SLCO1B1: variants seen among roughly 807,000 people sequenced by gnomAD.
SLCO1B1 encodes OATP-2.
A neutral mutation model predicts 70.1 loss-of-function variants in SLCO1B1; 81 were observed. The ratio of observed to expected loss-of-function variants is 1.16; its 90% CI spans 0.97 to 1.39. The LOEUF (loss-of-function observed/expected upper bound fraction) is 1.39. SLCO1B1 is among the 40% of genes most tolerant of loss of function. SLCO1B1 has a pLI of 0.00. For synonymous variants in SLCO1B1, 283 were observed against 271.5 expected (o/e 1.04, Z -0.42); for missense variants, 895 against 799.6 (o/e 1.12, Z -1.44).
chr12:21,204,306 A>G (rs750112944), intron 10 of SLCO1B1, among the ~76,000 whole-genome samples: 37 of 151,916 alleles, frequency 2.4e-4, no homozygotes, highest in Non-Finnish European at 3.7e-4. Context: ...GTATAGTGAT[A>G]TTTTCTAATG....
chr12:21,167,663 G>A (rs1940702954), intron 2 of SLCO1B1, among the ~76,000 whole-genome samples: 1 of 151,998 alleles, frequency 6.6e-6, no homozygotes, highest in African/African-American at 2.4e-5. Context: ...CACTCACATT[G>A]ATGAACAACA....
intron 1 of SLCO1B1, among the ~76,000 whole-genome samples, chr12:21,136,473 A>G (rs1940223082): frequency 6.6e-6 from 1 of 152,116 alleles, no homozygotes; most frequent in Admixed American, 6.5e-5. Flanking sequence ...TACACCAATC[A>G]GACGTAGATT....
chr12:21,202,470 C>CT, intron 9 of SLCO1B1, 21 bp from the exon 10 acceptor site: 3 of 1,520,358 alleles, frequency 2.0e-6, no homozygotes, highest in Admixed American at 1.8e-5. Flanking sequence ...ATGATTACAA[C>CT]TTTTTTTCTT....
intron 11 of SLCO1B1, among the ~76,000 whole-genome samples, chr12:21,210,727 T>G (rs958478574): frequency 5.4e-5 from 8 of 148,312 alleles, no homozygotes; most frequent in African/African-American, 1.2e-4. Flanking sequence ...GTATCCTCTT[T>G]TATTTCCTTG....
At chr12:21,161,540 G>A (rs563788100) in intron 2 of SLCO1B1, among the ~76,000 whole-genome samples, 1 of 152,148 alleles carries the variant, frequency 6.6e-6, no homozygotes, top group African/African-American at 2.4e-5. Context: ...GGAAGAGAGA[G>A]AGAAGCAGAA....
chr12:21,175,276 C>T (rs566619390), intron 4 of SLCO1B1, among the ~76,000 whole-genome samples: 1 of 152,136 alleles, frequency 6.6e-6, no homozygotes, highest in Admixed American at 6.5e-5. Flanking sequence ...CAAATTGTGG[C>T]AACGTATTTC....
In SLCO1B1 at chr12:21,178,567, T is replaced by G. The variant is rs775004851; in HGVS notation, c.482-9T>G. ...ATGTTTAAAATGAAACACTCTCTTATCTACATAGGTTGTTTAAAGGAATCT... is the reference window on the plus strand; with the variant it reads ...ATGTTTAAAATGAAACACTCTCTTAGCTACATAGGTTGTTTAAAGGAATCT... On this transcript the variant is annotated splice_polypyrimidine_tract_variant and intron_variant, in intron 5 of 14. Transcript: ENST00000256958. 6.3e-7 allele frequency: 1 copy of G among 1,585,884 alleles called. No individual in the cohort carries two copies. Among genetic ancestry groups the G allele is most frequent in the Admixed American group, 1.7e-5 (1 of 59,860 alleles).
At chr12:21,154,555 C>G (rs917900899) in intron 2 of SLCO1B1, among the ~76,000 whole-genome samples, 5 of 152,096 alleles carry the variant, frequency 3.3e-5, no homozygotes, top group Non-Finnish European at 7.4e-5. Context: ...TTCACATACT[C>G]TTTTATATGC....
intron 2 of SLCO1B1, among the ~76,000 whole-genome samples, chr12:21,168,488 T>C (rs888681950): frequency 3.3e-5 from 5 of 152,190 alleles, no homozygotes; most frequent in Admixed American, 1.3e-4. Flanking sequence ...CTCTTTTTCA[T>C]GAAAGCTGAA....
intron 6 of SLCO1B1, 71 bp downstream of exon 6, chr12:21,178,793 AAACTT>A (rs2121108568): frequency 9.0e-6 from 13 of 1,452,438 alleles, no homozygotes; most frequent in Non-Finnish European, 1.3e-5. Context: ...TAGAGTTACT[AAACTT>A]ATTATTTTAC....
intron 2 of SLCO1B1, among the ~76,000 whole-genome samples, chr12:21,147,334 T>C (rs1432790823): frequency 1.3e-5 from 2 of 152,192 alleles, no homozygotes; most frequent in Non-Finnish European, 2.9e-5. Flanking sequence ...ATGTGCAGAA[T>C]GTGCACATTT....
At chr12:21,179,598 C>T (rs1255903008) in intron 7 of SLCO1B1, among the ~76,000 whole-genome samples, 1 of 152,164 alleles carries the variant, frequency 6.6e-6, no homozygotes, top group African/African-American at 2.4e-5. Flanking sequence ...TCCTTCTTAT[C>T]TCATAGATGA....
rs747412630 is a variant in SLCO1B1, at chr12:21,141,557, G to A, written c.-18G>A. On this transcript the variant is annotated 5_prime_UTR_variant, in exon 2 of 15. An upstream start codon of the reference 5' UTR is lost. Coordinates refer to ENST00000256958, the MANE Select transcript of SLCO1B1 (RefSeq NM_006446.5). ...GCATCAACAACAAAAACATTTGTAT[G>A]ATATCTATATTTCAATCATGGACCA... 2 of 1,517,536 alleles carry A rather than the reference G, an allele frequency of 1.3e-6. No homozygotes were observed. Among genetic ancestry groups the A allele is most frequent in the Non-Finnish European group, 9.1e-7 (1 of 1,094,184 alleles). 94.0% of individuals were successfully genotyped at this position (1,517,536 alleles called of 1,614,324 possible). A position where few individuals can be genotyped will look rare whatever the true frequency, so the allele number is the denominator to read the frequency against.
At chr12:21,215,368 T>C (rs1179746284) in intron 11 of SLCO1B1, among the ~76,000 whole-genome samples, 3 of 152,252 alleles carry the variant, frequency 2.0e-5, no homozygotes, top group Non-Finnish European at 4.4e-5. Context: ...GCCCAGTTTG[T>C]TGAAGAACTT....
At position 21,196,951 on chromosome 12, in the gene SLCO1B1, A is replaced by G. The variant is rs11045852; in HGVS notation, c.733A>G (p.Ile245Val). 3.6e-3 allele frequency: 5,727 copies of G among 1,613,236 alleles called. 147 individuals carry two copies. The highest frequency in any genetic ancestry group is 0.032 in the South Asian group (2,952 of 90,958). ...TCTATAATTATTTATTCTAGGCACTATCAGGATAACTCCTACTGATTCTCG... is the reference window on the plus strand; with the variant it reads ...TCTATAATTATTTATTCTAGGCACTGTCAGGATAACTCCTACTGATTCTCG... ...VDIGYVDLST[I>V]RITPTDSRWV... is the part of the protein sequence containing the mutation. The change falls in exon 8 of 15, where the codon ATC becomes GTC. Residue 245 changes from isoleucine to valine, a missense_variant. Transcript: ENST00000256958.
intron 7 of SLCO1B1, among the ~76,000 whole-genome samples, chr12:21,192,850 G>A (rs1004599744): frequency 1.3e-5 from 2 of 151,850 alleles, no homozygotes; most frequent in Non-Finnish European, 2.9e-5. Context: ...ATTTTTTACT[G>A]AACACTTCCT....
intron 2 of SLCO1B1, among the ~76,000 whole-genome samples, chr12:21,151,408 AG>A (rs533951203): frequency 5.3e-5 from 8 of 152,142 alleles, no homozygotes; most frequent in Non-Finnish European, 1.0e-4. Context: ...GGGTAGTATG[AG>A]TACCTGATAA....
At chr12:21,220,694 C>T (rs1941413110) in intron 12 of SLCO1B1, among the ~76,000 whole-genome samples, 1 of 151,606 alleles carries the variant, frequency 6.6e-6, no homozygotes, top group Admixed American at 6.6e-5. Context: ...TCAAAAAGAG[C>T]ATAAGTAACT....
intron 2 of SLCO1B1, among the ~76,000 whole-genome samples, chr12:21,163,219 A>AT (rs1940643515): frequency 6.6e-6 from 1 of 152,010 alleles, no homozygotes; most frequent in Non-Finnish European, 1.5e-5. Context: ...TTTTAATGAC[A>AT]TTTCCTATAT....
Sources: allele counts gnomAD v4.1 joint callset (sites outside exome capture counted in the v4.1 genomes callset), GRCh38; gene constraint gnomAD v4.1.1; transcripts MANE v1.5; gene names NCBI Gene and HGNC (gene_info 2026-07-23, HGNC 2026-07-21).